Variants in GNB5 observed in about 807,000 individuals in gnomAD.
GNB5 encodes the protein guanine nucleotide-binding protein subunit beta-5.
Under a neutral mutation model 55.3 loss-of-function variants are expected in GNB5, and 37 were observed. The ratio of observed to expected loss-of-function variants is 0.67; its 90% CI spans 0.51 to 0.88. The LOEUF is 0.88. GNB5 is among the 40% of genes least tolerant of loss of function. The probability of loss-of-function intolerance (pLI) is 0.00; values close to 1 mark genes in which losing one functional copy is unlikely to be tolerated. For missense variants in GNB5, 476 were observed against 515.3 expected (o/e 0.92, Z 0.74); for synonymous variants, 219 against 198.5 (o/e 1.10, Z -0.87).
Position 52,137,245 on chromosome 15 carries a change from C to T in GNB5, c.628-1489G>A, listed in dbSNP as rs772660278. 716 of 1,157,564 alleles carry T rather than the reference C, an allele frequency of 6.2e-4. 1 individual carries two copies. Among genetic ancestry groups the T allele is most frequent in the Admixed American group, 8.3e-4 (19 of 22,788 alleles). The allele number at this position is 1,157,564 out of a possible 1,614,324, so 71.7% of individuals were successfully genotyped here. Reference sequence around the variant, plus strand: ...TGATGTTCGCTTGGGGAGTTGACATCACCAGTAGACAAGGATCAATGACAA... The same window carrying T: ...TGATGTTCGCTTGGGGAGTTGACATTACCAGTAGACAAGGATCAATGACAA... On this transcript the variant is annotated intron_variant, in intron 7 of 12. Transcript: ENST00000261837.
At chr15:52,135,522 C>A in intron 8 of GNB5, 91 bp downstream of exon 8, 1 of 1,140,306 alleles carries the variant, frequency 8.8e-7, no homozygotes, top group South Asian at 1.4e-5. Context: ...TAGGGAAGTG[C>A]CTAGGCTAAT....
chr15:52,143,759 C>A (rs1012533444), intron 6 of GNB5: 4 of 152,198 alleles, frequency 2.6e-5, no homozygotes, highest in Admixed American at 6.5e-5. Flanking sequence ...GGATGTCACA[C>A]AGTCATGGTT....
intron 1 of GNB5, among the ~76,000 whole-genome samples, chr15:52,189,819 G>A (rs537362090): frequency 1.3e-5 from 2 of 152,170 alleles, no homozygotes; most frequent in East Asian, 3.9e-4. Flanking sequence ...GACACAAAAG[G>A]CCACATATTG....
chr15:52,165,908 C>T (rs1351649124), intron 3 of GNB5, among the ~76,000 whole-genome samples: 1 of 152,038 alleles, frequency 6.6e-6, no homozygotes, highest in Non-Finnish European at 1.5e-5. Flanking sequence ...CAAGCTGGAT[C>T]GAGTCCAGAC....
chr15:52,163,899 T>A (rs2034394797), intron 3 of GNB5, among the ~76,000 whole-genome samples: 1 of 152,114 alleles, frequency 6.6e-6, no homozygotes, highest in African/African-American at 2.4e-5. Context: ...CTTTGCTGTT[T>A]TGCAGCCTTC....
In GNB5 at chr15:52,128,731, G is replaced by A. The variant is rs150249128; in HGVS notation, c.864-487C>T. ...AGAGTAATAATGCATATTTTCTGCT[G>A]TGAAGATTACATAAGACAGTCCATG... is the stretch of plus-strand genomic sequence containing the variant. On this transcript the variant is annotated intron_variant, in intron 9 of 12. Coordinates refer to ENST00000261837, the MANE Select transcript of GNB5 (RefSeq NM_016194.4). 81 of 458,074 alleles carry A rather than the reference G, an allele frequency of 1.8e-4. 3 individuals are homozygous for A. The highest frequency in any genetic ancestry group is 1.1e-3 in the South Asian group (74 of 64,574). The allele number at this position is 458,074 out of a possible 1,614,324, so 28.4% of individuals were successfully genotyped here. A position where few individuals can be genotyped will look rare whatever the true frequency, so the allele number is the denominator to read the frequency against.
chr15:52,127,707 T>C (rs1299602215), intron 10 of GNB5, among the ~76,000 whole-genome samples: 1 of 151,984 alleles, frequency 6.6e-6, no homozygotes, highest in East Asian at 1.9e-4. Context: ...TGGCAATCAG[T>C]ATCAAAAGCC....
intron 5 of GNB5, among the ~76,000 whole-genome samples, chr15:52,147,946 T>C (rs1256960007): frequency 1.3e-5 from 2 of 152,068 alleles, no homozygotes; most frequent in Non-Finnish European, 1.5e-5. Flanking sequence ...AATTACATTA[T>C]AGTTTCAAAA....
rs761143129 is a variant in GNB5 at position 52,135,675 on chromosome 15, C to T, written c.709G>A (p.Gly237Arg). The stretch of plus-strand genomic sequence containing the variant: ...AGGTCCAAGCAGAGGACGTCAGCCC[C>T]ATGTCCGTGGAAGCTCTGCAGCAGC... ...GQLLQSFHGH[G>R]ADVLCLDLAP... The change falls in exon 8 of 13, where the codon GGG becomes AGG. Residue 237 changes from glycine to arginine, a missense_variant. Physicochemically the swap from Gly to Arg is moderately radical, Grantham distance 125. Coordinates refer to ENST00000261837, the MANE Select transcript of GNB5 (RefSeq NM_016194.4). The T allele has an allele frequency of 2.5e-6, 4 of 1,613,374 alleles. No homozygotes were observed. The highest frequency in any genetic ancestry group is 1.3e-5 in the African/African-American group (1 of 74,848).
chr15:52,137,364 G>T, intron 7 of GNB5: 2 of 1,041,870 alleles, frequency 1.9e-6, no homozygotes, highest in Non-Finnish European at 2.3e-6. Flanking sequence ...AAGAGTGAGA[G>T]CTGGCCAGGT....
At chr15:52,140,956 G>T (rs1391409798) in intron 7 of GNB5, among the ~76,000 whole-genome samples, 184 bp downstream of exon 7, 2 of 152,102 alleles carry the variant, frequency 1.3e-5, no homozygotes, top group Admixed American at 1.3e-4. Flanking sequence ...ACAATCACTA[G>T]CCCCAACCTT....
At chr15:52,154,144 C>T in intron 3 of GNB5, 68 bp from the exon 4 acceptor site, 1 of 1,501,762 alleles carries the variant, frequency 6.7e-7, no homozygotes, top group South Asian at 1.2e-5. Flanking sequence ...GCTGACACAG[C>T]ACAGACATAT....
rs991564773 is a variant in GNB5 at position 52,179,856 on chromosome 15, C to G, written c.150G>C (p.Glu50Asp). 1 of 1,550,910 alleles carries G rather than the reference C, an allele frequency of 6.4e-7. No individual in the cohort carries two copies. Among genetic ancestry groups the G allele is most frequent in the Non-Finnish European group, 8.7e-7 (1 of 1,149,790 alleles). The change falls in exon 3 of 13, where the codon GAG becomes GAC. Residue 50 changes from glutamate to aspartate, a missense_variant. Physicochemically the swap from Glu to Asp is conservative, Grantham distance 45. Coordinates refer to ENST00000261837, the MANE Select transcript of GNB5 (RefSeq NM_016194.4). ...AEIMATEGLH[E>D]NETLASLKSE... is the part of the protein sequence containing the mutation. The stretch of plus-strand genomic sequence containing the variant: ...TCTTCAGCGACGCCAGCGTCTCGTT[C>G]TCGTGCAGCCCCTCGGTTGCCATCT...
rs531033419 is a variant in GNB5 at position 52,169,907 on chromosome 15, T to C, written c.238+9861A>G. ...CCCATTAAAAAGTGGGCAAAGGACA[T>C]GAACAGACACTTCTCAAAAGAAGAC... On this transcript the variant is annotated intron_variant, in intron 3 of 12. Coordinates refer to ENST00000261837, the MANE Select transcript of GNB5 (RefSeq NM_016194.4). Among the ~76,000 whole-genome samples, 18 of 152,166 alleles carry C rather than the reference T, an allele frequency of 1.2e-4. No individual in the cohort carries two copies. The South Asian group carries it at 3.1e-3, about 26-fold the overall frequency.
intron 3 of GNB5, among the ~76,000 whole-genome samples, chr15:52,165,411 C>A (rs2141227002): frequency 6.6e-6 from 1 of 152,174 alleles, no homozygotes; most frequent in Admixed American, 6.5e-5. Context: ...ACATAATCAT[C>A]AGATTCTCCA....
chr15:52,159,791 C>G (rs116248989), intron 3 of GNB5, among the ~76,000 whole-genome samples: 3 of 151,984 alleles, frequency 2.0e-5, no homozygotes, highest in African/African-American at 7.3e-5. Flanking sequence ...CAGTGCAGTG[C>G]GATGGTGGCT....
chr15:52,175,106 G>C (rs957849734), intron 3 of GNB5, among the ~76,000 whole-genome samples: 1 of 152,066 alleles, frequency 6.6e-6, no homozygotes, highest in East Asian at 1.9e-4. Context: ...CACATACCTA[G>C]GGTCCCAGGC....
At chr15:52,174,986 T>C (rs1454852290) in intron 3 of GNB5, among the ~76,000 whole-genome samples, 2 of 151,924 alleles carry the variant, frequency 1.3e-5, no homozygotes, top group African/African-American at 2.4e-5. Flanking sequence ...GGGAGGAGAA[T>C]TGCTTGAACC....
intron 1 of GNB5, among the ~76,000 whole-genome samples, chr15:52,190,118 T>A (rs7180637): frequency 0.018 from 163 of 9,060 alleles, 3 homozygotes; most frequent in Non-Finnish European, 0.045. Context: ...TCTCAATAAA[T>A]TTTTTTTTTT....
Sources: allele counts gnomAD v4.1 joint callset (sites outside exome capture counted in the v4.1 genomes callset), GRCh38; gene constraint gnomAD v4.1.1; transcripts MANE v1.5; gene names NCBI Gene and HGNC (gene_info 2026-07-23, HGNC 2026-07-21).